SIPA1L3: variants seen among roughly 807,000 people sequenced by gnomAD.
SIPA1L3 encodes signal induced proliferation associated 1 like 3.
SIPA1L3 carries 59 observed loss-of-function variants against 150.1 expected under a neutral mutation model. The observed-to-expected ratio is 0.39, with a 90% CI of 0.32 to 0.49. The LOEUF is 0.49. Among genes scored for constraint, SIPA1L3 ranks in the 20% least tolerant of loss-of-function variants. SIPA1L3 has a pLI of 0.86. For missense variants in SIPA1L3, 2,211 were observed against 2,489.5 expected, an observed-to-expected ratio of 0.89 and a Z score of 2.38; for synonymous variants, 1,070 against 1,077.6, an observed-to-expected ratio of 0.99 and a Z score of 0.14.
chr19:38,114,678 AC>A (rs1568557355), intron 8 of SIPA1L3, among the ~76,000 whole-genome samples: 2 of 152,308 alleles, frequency 1.3e-5, no homozygotes, highest in East Asian at 3.9e-4. Flanking sequence ...CTTGGTAGAA[AC>A]CTGTTTCGTC....
intron 1 of SIPA1L3, among the ~76,000 whole-genome samples, chr19:37,939,379 G>A (rs887411400): frequency 3.0e-5 from 4 of 131,484 alleles, no homozygotes; most frequent in Non-Finnish European, 4.7e-5. Context: ...CAGCCTGGGC[G>A]ACAGAGTGAG....
intron 1 of SIPA1L3, among the ~76,000 whole-genome samples, chr19:37,970,168 A>C (rs1966897418): frequency 6.6e-6 from 1 of 152,194 alleles, no homozygotes; most frequent in African/African-American, 2.4e-5. Context: ...AGTTTTTAAA[A>C]CCCTGGCGGT....
At chr19:38,093,248 G>A (rs1177661058) in intron 4 of SIPA1L3, among the ~76,000 whole-genome samples, 1 of 152,102 alleles carries the variant, frequency 6.6e-6, no homozygotes. Context: ...AGAGGGAGCC[G>A]TGTGGACAAC....
intron 1 of SIPA1L3, among the ~76,000 whole-genome samples, chr19:38,025,161 C>G (rs1265361370): frequency 6.6e-6 from 1 of 152,212 alleles, no homozygotes; most frequent in Admixed American, 6.5e-5. Context: ...GCTTGGCTCA[C>G]GTGTCTCTCC....
chr19:37,944,038 A>C (rs943598179), intron 1 of SIPA1L3, among the ~76,000 whole-genome samples: 18 of 152,172 alleles, frequency 1.2e-4, no homozygotes, highest in African/African-American at 4.3e-4. Context: ...GCACTTTGGG[A>C]AGCCTAGGTG....
At chr19:38,179,262 CA>C (rs1972507900) in intron 15 of SIPA1L3, among the ~76,000 whole-genome samples, 2 of 152,272 alleles carry the variant, frequency 1.3e-5, no homozygotes, top group Admixed American at 6.5e-5. Flanking sequence ...GCCAGCATGG[CA>C]AAACCCTGTC....
chr19:38,156,739 C>T (rs1435060476), intron 13 of SIPA1L3, among the ~76,000 whole-genome samples: 1 of 152,016 alleles, frequency 6.6e-6, no homozygotes, highest in Non-Finnish European at 1.5e-5. Context: ...GCAGGAGAAT[C>T]GCTTGAACCC....
At chr19:38,163,403 T>G (rs1275394438) in intron 14 of SIPA1L3, among the ~76,000 whole-genome samples, 1 of 148,432 alleles carries the variant, frequency 6.7e-6, no homozygotes, top group East Asian at 2.0e-4. Context: ...GGCACAAGAA[T>G]TGCTTGAACC....
intron 18 of SIPA1L3, among the ~76,000 whole-genome samples, chr19:38,194,264 C>T (rs1448931665): frequency 1.3e-5 from 2 of 152,280 alleles, no homozygotes; most frequent in East Asian, 3.9e-4. Context: ...ACTGAGCACT[C>T]CCCGTAAACA....
chr19:38,197,127 C>T (rs912674344), intron 18 of SIPA1L3, among the ~76,000 whole-genome samples: 3 of 152,100 alleles, frequency 2.0e-5, no homozygotes, highest in African/African-American at 7.2e-5. Context: ...CATGTCACCC[C>T]CCGCCTCCGC....
rs1239774351 is a variant in SIPA1L3 at position 38,016,838 on chromosome 19, A to AATT, written c.-378-12250_-378-12248dup. Among the ~76,000 whole-genome samples, 4 of 139,270 alleles carry AATT rather than the reference A, an allele frequency of 2.9e-5. No individual in the cohort carries two copies. In the East Asian group the frequency reaches 9.1e-4, roughly 32 times the overall value. 91.4% of individuals were successfully genotyped at this position (139,270 alleles called of 152,430 possible). ...TTTGGTTAATACCGGTCATGTTTGT[A>AATT]ATTGTTTTCTGCTCCTTACCAGATA... On this transcript the variant is annotated intron_variant, in intron 1 of 21. Coordinates refer to ENST00000222345, the MANE Select transcript of SIPA1L3 (RefSeq NM_015073.3).
intron 1 of SIPA1L3, among the ~76,000 whole-genome samples, chr19:37,986,771 A>C (rs1967361512): frequency 6.6e-6 from 1 of 151,890 alleles, no homozygotes. Flanking sequence ...CTAGGTGTGG[A>C]GACTTTTTTT....
chr19:38,036,156 A>G (rs183004662), intron 2 of SIPA1L3, among the ~76,000 whole-genome samples: 40 of 152,284 alleles, frequency 2.6e-4, no homozygotes, highest in Non-Finnish European at 4.3e-4. Flanking sequence ...TGTGGCCAGA[A>G]CGCATGGATG....
chr19:38,068,414 T>C (rs759195444), intron 2 of SIPA1L3, among the ~76,000 whole-genome samples: 3 of 152,146 alleles, frequency 2.0e-5, no homozygotes, highest in Non-Finnish European at 4.4e-5. Context: ...TTAAAGACAG[T>C]CAGCGTCATT....
rs563951794 is a variant in SIPA1L3 at position 37,972,358 on chromosome 19, C to T, written c.-378-56731C>T. On this transcript the variant is annotated intron_variant, in intron 1 of 21. Transcript: ENST00000222345. ...TGGCAAAATCCATTGGCAGATCTAACTACCATAATTCCAAAGTAACAAAGG... is the reference window on the plus strand; with the variant it reads ...TGGCAAAATCCATTGGCAGATCTAATTACCATAATTCCAAAGTAACAAAGG... 1.4e-4 allele frequency among the ~76,000 whole-genome samples: 22 copies of T among 152,256 alleles called. No individual in the cohort carries two copies. In the South Asian group the frequency reaches 1.5e-3, roughly 10 times the overall value.
chr19:38,158,126 G>A (rs535535461), intron 13 of SIPA1L3, among the ~76,000 whole-genome samples: 60 of 152,108 alleles, frequency 3.9e-4, no homozygotes, highest in South Asian at 2.1e-3. Context: ...CCAGCGGCTC[G>A]GGAGGCTGAG....
intron 1 of SIPA1L3, among the ~76,000 whole-genome samples, chr19:37,923,474 G>C (rs2046474543): frequency 6.6e-6 from 1 of 152,182 alleles, no homozygotes; most frequent in Admixed American, 6.6e-5. Flanking sequence ...AAAAGGTACA[G>C]TAAAAATATG....
Position 38,082,189 on chromosome 19 carries a change from C to G in SIPA1L3, c.624C>G (p.Ile208Met), listed in dbSNP as rs746248503. Residue 208 changes from isoleucine to methionine, a missense_variant, in exon 3 of 22, where the codon ATC (isoleucine) becomes ATG (methionine). By Grantham distance (10) the Ile-to-Met change is conservative (BLOSUM62 1). Around this residue, in one of 5 missense-constraint regions of SIPA1L3, gnomAD observed 587 missense variants for 534.5 expected, o/e 1.10. Coordinates refer to ENST00000222345, the MANE Select transcript of SIPA1L3 (RefSeq NM_015073.3). ...GCGAGTACGGGAGCACCTCGTCCAT[C>G]GACGTGCAGGGCATGCCCGAGCAGA... ...LFREYGSTSSIDVQGMPEQSF... is the reference protein window; with the variant it reads ...LFREYGSTSSMDVQGMPEQSF... 4 of 1,603,996 alleles carry G rather than the reference C, an allele frequency of 2.5e-6. No homozygotes were observed. The African/African-American group carries it at 5.3e-5, about 21-fold the overall frequency.
chr19:38,056,043 G>A (rs967089957), intron 2 of SIPA1L3, among the ~76,000 whole-genome samples: 1 of 152,242 alleles, frequency 6.6e-6, no homozygotes, highest in African/African-American at 2.4e-5. Flanking sequence ...CAGTGTGGGG[G>A]CTGAGAGTGG....
Sources: gnomAD v4.1 joint callset for allele counts (sites outside exome capture counted in the v4.1 genomes callset) on GRCh38, gnomAD v4.1.1 for gene constraint, gnomAD v4.1.1 regional missense constraint, MANE v1.5 for transcripts, NCBI Gene and HGNC (gene_info 2026-07-23, HGNC 2026-07-21) for gene names.